ANXA4: variants seen among roughly 807,000 people sequenced by gnomAD.
The protein encoded by ANXA4 is 35-beta calcimedin.
In ANXA4, 39 loss-of-function variants were observed where a neutral mutation model predicts 49.8. The ratio of observed to expected loss-of-function variants is 0.78; its 90% CI spans 0.61 to 1.02. The LOEUF is 1.02. Ranked by LOEUF, ANXA4 falls within the 50% of genes least tolerant of loss-of-function variation. ANXA4 has a pLI of 0.00. For missense variants in ANXA4, 360 were observed against 410.1 expected, an observed-to-expected ratio of 0.88 and a Z score of 1.05; for synonymous variants, 134 against 152.5, an observed-to-expected ratio of 0.88 and a Z score of 0.89.
chr2:69,739,551 G>T (rs564020996), upstream of ANXA4, among the ~76,000 whole-genome samples: 2 of 151,668 alleles, frequency 1.3e-5, no homozygotes, highest in Non-Finnish European at 2.9e-5. Context: ...GACTAGAGGC[G>T]TGCGTCACTA....
intron 1 of ANXA4, among the ~76,000 whole-genome samples, chr2:69,650,832 A>G (rs916921458): frequency 6.6e-6 from 1 of 152,208 alleles, no homozygotes; most frequent in African/African-American, 2.4e-5. Flanking sequence ...TGCAGTTTAA[A>G]AAGAAATCGA....
At chr2:69,781,920 G>A (rs374823560) in intron 2 of ANXA4, among the ~76,000 whole-genome samples, 8 of 152,128 alleles carry the variant, frequency 5.3e-5, no homozygotes, top group African/African-American at 1.9e-4. Flanking sequence ...CACCTGAAGA[G>A]GACTGCTATC....
intron 3 of ANXA4, among the ~76,000 whole-genome samples, chr2:69,726,216 T>G (rs1196730370): frequency 6.6e-6 from 1 of 152,094 alleles, no homozygotes; most frequent in East Asian, 1.9e-4. Context: ...AAAGTGGCAC[T>G]TCCCCCCTCA....
chr2:69,821,349 C>T (rs1041594878), intron 12 of ANXA4, among the ~76,000 whole-genome samples: 1 of 152,152 alleles, frequency 6.6e-6, no homozygotes. Flanking sequence ...GAAAGTGAGA[C>T]AGATTTCCCT....
rs1670796144 is a variant in ANXA4, at chr2:69,750,550, C to T, written c.-47+8375C>T. Among the ~76,000 whole-genome samples the T allele has an allele frequency of 2.6e-5, 4 of 152,196 alleles. No homozygotes were observed. In the South Asian group the frequency reaches 8.3e-4, roughly 32 times the overall value. On this transcript the variant is annotated intron_variant, in intron 1 of 12. Transcript: ENST00000394295. Reference sequence around the variant, plus strand: ...ACCTTAGCCTCCCAGGTGGCTGGAACTATAGGCACGCGCTGCCACACCCAG... The same window carrying T: ...ACCTTAGCCTCCCAGGTGGCTGGAATTATAGGCACGCGCTGCCACACCCAG...
chr2:69,816,462 A>T, intron 9 of ANXA4: 1 of 333,880 alleles, frequency 3.0e-6, no homozygotes, highest in South Asian at 5.0e-5. Flanking sequence ...CTTCACAGTC[A>T]GTCCTTTTTC....
At chr2:69,772,328 A>G (rs140367525) in intron 1 of ANXA4, among the ~76,000 whole-genome samples, 1 of 152,244 alleles carries the variant, frequency 6.6e-6, no homozygotes, top group African/African-American at 2.4e-5. Context: ...TTCAGAGAGA[A>G]AGAACAAAGG....
intron 2 of ANXA4, among the ~76,000 whole-genome samples, chr2:69,704,915 C>T (rs1380295410): frequency 6.6e-6 from 1 of 151,960 alleles, no homozygotes; most frequent in African/African-American, 2.4e-5. Flanking sequence ...TCCTCCTTAC[C>T]TCAAGAGGTA....
At chr2:69,756,077 T>C (rs1406465295) in intron 1 of ANXA4, among the ~76,000 whole-genome samples, 1 of 152,224 alleles carries the variant, frequency 6.6e-6, no homozygotes, top group Non-Finnish European at 1.5e-5. Flanking sequence ...TGCAAAGATT[T>C]ACACCAAAAA....
rs895188758 is a variant in ANXA4 at position 69,731,907 on chromosome 2, C to T, written n.864+11036C>T. Among the ~76,000 whole-genome samples, 8 of 151,584 alleles carry T rather than the reference C, an allele frequency of 5.3e-5. No individual in the cohort carries two copies. In the South Asian group the frequency reaches 1.7e-3, roughly 32 times the overall value. On this transcript the variant is annotated intron_variant and non_coding_transcript_variant, in intron 3 of 3. Coordinates refer to the ANXA4 transcript ENST00000418066. The stretch of plus-strand genomic sequence containing the variant: ...TTTTGGGGAAGGAAAGAAAGGGTGT[C>T]GCTCCTTTGGGGCAGGAAAAAACAG...
chr2:69,773,498 C>CTCCAG (rs1432156645), intron 1 of ANXA4, among the ~76,000 whole-genome samples: 2 of 152,134 alleles, frequency 1.3e-5, no homozygotes, highest in Non-Finnish European at 2.9e-5. Flanking sequence ...GAAACAGGGC[C>CTCCAG]TCCAGACCAA....
chr2:69,661,461 T>C (rs1010036571), intron 2 of ANXA4, among the ~76,000 whole-genome samples: 8 of 151,248 alleles, frequency 5.3e-5, no homozygotes, highest in Non-Finnish European at 1.0e-4. Flanking sequence ...CTGTGCAAGA[T>C]GATGAGACCC....
intron 1 of ANXA4, among the ~76,000 whole-genome samples, chr2:69,776,644 C>A (rs1671972461): frequency 6.6e-6 from 1 of 152,126 alleles, no homozygotes; most frequent in South Asian, 2.1e-4. Flanking sequence ...CTGGTTAAGG[C>A]AGGGGTGTCC....
At chr2:69,725,227 CATATTAACATAT>C (rs1559114077) in intron 3 of ANXA4, among the ~76,000 whole-genome samples, 1 of 152,010 alleles carries the variant, frequency 6.6e-6, no homozygotes, top group East Asian at 1.9e-4. Flanking sequence ...AGAGATATAA[CATATTAACATAT>C]ATATTAACAT....
At chr2:69,698,063 A>G (rs1678214863) in intron 2 of ANXA4, among the ~76,000 whole-genome samples, 1 of 152,100 alleles carries the variant, frequency 6.6e-6, no homozygotes, top group Admixed American at 6.5e-5. Flanking sequence ...GGAGGCCGAG[A>G]AGTCCAGGAT....
chr2:69,766,726 A>C lies in ANXA4; in HGVS notation c.-46-14794A>C, dbSNP rs779586334. Among the ~76,000 whole-genome samples, 17 of 152,180 alleles carry C rather than the reference A, an allele frequency of 1.1e-4. 1 individual carries two copies. Among genetic ancestry groups the C allele is most frequent in the Non-Finnish European group, 2.1e-4 (14 of 68,028 alleles). ...ATCCTAGGGTGAGCTTGTGTTGCCCACAGTGCCAGCACCTTCCAGACCTTG... is the reference window on the plus strand; with the variant it reads ...ATCCTAGGGTGAGCTTGTGTTGCCCCCAGTGCCAGCACCTTCCAGACCTTG... On this transcript the variant is annotated intron_variant, in intron 1 of 12. Coordinates refer to ENST00000394295, the MANE Select transcript of ANXA4 (RefSeq NM_001153.5).
At chr2:69,724,087 T>C (rs1222408071) in intron 3 of ANXA4, among the ~76,000 whole-genome samples, 1 of 151,812 alleles carries the variant, frequency 6.6e-6, no homozygotes, top group Non-Finnish European at 1.5e-5. Context: ...GCCATTGCAC[T>C]ACAGCCCGGG....
In ANXA4 at chr2:69,656,313, GTATATATATGTA is replaced by G. The variant is rs1198000738; in HGVS notation, n.766+3039_766+3050del. ...CATATATGTATATATATGTATATAT[GTATATATATGTA>G]TATATATGTGTATATATATGTGTAT... On this transcript the variant is annotated intron_variant and non_coding_transcript_variant, in intron 2 of 3. Transcript: ENST00000418066. 6.1e-4 allele frequency among the ~76,000 whole-genome samples: 45 copies of G among 74,182 alleles called. 1 individual carries two copies. Among genetic ancestry groups the G allele is most frequent in the African/African-American group, 1.6e-3 (40 of 24,636 alleles). 48.7% of individuals were successfully genotyped at this position (74,182 alleles called of 152,430 possible).
chr2:69,822,331 C>T (rs932575047), intron 12 of ANXA4, among the ~76,000 whole-genome samples: 1 of 151,974 alleles, frequency 6.6e-6, no homozygotes, highest in African/African-American at 2.4e-5. Flanking sequence ...CACTTCAAGA[C>T]TCCAGCCTGA....
Sources: gnomAD v4.1 joint callset for allele counts (sites outside exome capture counted in the v4.1 genomes callset) on GRCh38, gnomAD v4.1.1 for gene constraint, MANE v1.5 for transcripts, NCBI Gene and HGNC (gene_info 2026-07-23, HGNC 2026-07-21) for gene names.